The following SERINC5 variants were observed in gnomAD, a reference collection of about 807,000 sequenced individuals.
SERINC5 encodes serine incorporator 5.
In SERINC5, 41 loss-of-function variants were observed where a neutral mutation model predicts 63.1. The ratio of observed to expected loss-of-function variants is 0.65; its 90% CI spans 0.51 to 0.84. SERINC5 has a LOEUF of 0.84. Among genes scored for constraint, SERINC5 ranks in the 40% least tolerant of loss-of-function variants. The pLI, the probability that SERINC5 is intolerant of heterozygous loss-of-function variation, is 0.00. For synonymous variants in SERINC5, 222 were observed against 215.2 expected (o/e 1.03, Z -0.28); for missense variants, 523 against 573.0 (o/e 0.91, Z 0.89).
At chr5:80,153,606 CT>C (rs1314347237) in intron 8 of SERINC5, among the ~76,000 whole-genome samples, 1 of 152,058 alleles carries the variant, frequency 6.6e-6, no homozygotes, top group African/African-American at 2.4e-5. Context: ...TAAGCCTTAC[CT>C]CTTCCTGTGC....
At chr5:80,185,699 T>C (rs1748752258) in intron 2 of SERINC5, among the ~76,000 whole-genome samples, 1 of 152,062 alleles carries the variant, frequency 6.6e-6, no homozygotes, top group Non-Finnish European at 1.5e-5. Flanking sequence ...TGGGCAGGAA[T>C]GGGAGTCGCA....
intron 12 of SERINC5, among the ~76,000 whole-genome samples, chr5:80,113,198 A>C (rs1744190675): frequency 6.6e-6 from 1 of 152,218 alleles, no homozygotes; most frequent in Non-Finnish European, 1.5e-5. Context: ...AATATTCTTA[A>C]AGTTCCTGAT....
intron 11 of SERINC5, among the ~76,000 whole-genome samples, chr5:80,132,402 T>C (rs1744983909): frequency 6.6e-6 from 1 of 152,168 alleles, no homozygotes; most frequent in South Asian, 2.1e-4. Flanking sequence ...TGTTAGCTTA[T>C]TTCTGTTAAC....
intron 11 of SERINC5, among the ~76,000 whole-genome samples, chr5:80,115,726 G>A (rs1178013972): frequency 1.3e-5 from 2 of 152,000 alleles, no homozygotes; most frequent in African/African-American, 4.8e-5. Flanking sequence ...ACATCAATAT[G>A]TTGATGTTTG....
rs2112287195 is a variant in SERINC5 at position 80,141,707 on chromosome 5, C to T, written c.*1956G>A. On this transcript the variant is annotated 3_prime_UTR_variant, in exon 12 of 12. Transcript: ENST00000507668. ...CATTCCTGGCCCACGGAACTCCTGT[C>T]CCCTAACTGATTCCTCAGGTTAGAA... 3 of 985,610 alleles carry T rather than the reference C, an allele frequency of 3.0e-6. No homozygotes were observed. The South Asian group carries it at 1.4e-4, about 46-fold the overall frequency. 61.1% of individuals were successfully genotyped at this position (985,610 alleles called of 1,614,324 possible).
intron 1 of SERINC5, among the ~76,000 whole-genome samples, chr5:80,221,407 C>T (rs1174982102): frequency 6.6e-6 from 1 of 152,150 alleles, no homozygotes; most frequent in African/African-American, 2.4e-5. Flanking sequence ...CGTGCGATCA[C>T]ACACGACTTC....
At chr5:80,229,050 T>TGGGCGGGGGGG (rs1751304306) in intron 1 of SERINC5, among the ~76,000 whole-genome samples, 1 of 94,104 alleles carries the variant, frequency 1.1e-5, no homozygotes, top group Admixed American at 1.3e-4. Context: ...TTTTTTTTTT[T>TGGGCGGGGGGG]GGGGATGGAG....
Position 80,142,308 on chromosome 5 carries a change from A to T in SERINC5, c.*1355T>A. On this transcript the variant is annotated 3_prime_UTR_variant, in exon 12 of 12. Coordinates refer to ENST00000507668, the MANE Select transcript of SERINC5 (RefSeq NM_001174072.3). ...TTCCTGTGCAGCGTGATCTCGGCTCACTGCAACCTCCGCCTCCCGGGTTCA... is the reference window on the plus strand; with the variant it reads ...TTCCTGTGCAGCGTGATCTCGGCTCTCTGCAACCTCCGCCTCCCGGGTTCA... The T allele has an allele frequency of 1.0e-6, 1 of 983,104 alleles. No individual in the cohort carries two copies. The highest frequency in any genetic ancestry group is 1.2e-6 in the Non-Finnish European group (1 of 827,866). 60.9% of individuals were successfully genotyped at this position (983,104 alleles called of 1,614,324 possible).
At chr5:80,200,812 G>A (rs1486672844) in intron 2 of SERINC5, among the ~76,000 whole-genome samples, 1 of 141,832 alleles carries the variant, frequency 7.1e-6, no homozygotes, top group Non-Finnish European at 1.6e-5. Context: ...CCTAGTTTCA[G>A]GCCAGGCATG....
chr5:80,114,538 C>T (rs1251090937), intron 11 of SERINC5: 3 of 189,730 alleles, frequency 1.6e-5, no homozygotes, highest in South Asian at 6.4e-5. Flanking sequence ...CCTGTAACCC[C>T]AGCTACTTGG....
At chr5:80,150,052 C>T (rs561986354) in intron 9 of SERINC5, among the ~76,000 whole-genome samples, 10 of 152,226 alleles carry the variant, frequency 6.6e-5, no homozygotes, top group African/African-American at 1.9e-4. Context: ...CCTGACAAAA[C>T]GCCCACCTGA....
chr5:80,143,577 C>G lies in SERINC5; in HGVS notation c.*86G>C, dbSNP rs568283597. 3.5e-6 allele frequency: 5 copies of G among 1,449,262 alleles called. No homozygotes were observed. The East Asian group carries it at 1.3e-4, about 37-fold the overall frequency. 89.8% of individuals were successfully genotyped at this position (1,449,262 alleles called of 1,614,324 possible). A position where few individuals can be genotyped will look rare whatever the true frequency, so the allele number is the denominator to read the frequency against. On this transcript the variant is annotated 3_prime_UTR_variant, in exon 12 of 12. Coordinates refer to ENST00000507668, the MANE Select transcript of SERINC5 (RefSeq NM_001174072.3). Reference sequence around the variant, plus strand: ...TTTTCAGACCCACTCAGGCACAGGGCGCCAGTCCCTGCCCCGGGGACACTG... The same window carrying G: ...TTTTCAGACCCACTCAGGCACAGGGGGCCAGTCCCTGCCCCGGGGACACTG...
intron 2 of SERINC5, among the ~76,000 whole-genome samples, chr5:80,200,030 C>T (rs932713358): frequency 1.3e-5 from 2 of 152,202 alleles, no homozygotes; most frequent in Admixed American, 1.3e-4. Flanking sequence ...TGGTGGCTCA[C>T]GCCTGTAGTC....
At chr5:80,208,798 A>T (rs558648864) in intron 1 of SERINC5, among the ~76,000 whole-genome samples, 3 of 152,192 alleles carry the variant, frequency 2.0e-5, no homozygotes, top group Non-Finnish European at 4.4e-5. Flanking sequence ...CACTAGAAAC[A>T]GCCTTATTTT....
At chr5:80,172,854 T>C (rs2112396332) in intron 5 of SERINC5, among the ~76,000 whole-genome samples, 1 of 152,336 alleles carries the variant, frequency 6.6e-6, no homozygotes, top group Non-Finnish European at 1.5e-5. Context: ...TATTAGAATA[T>C]GAAGGACTTT....
At chr5:80,229,341 A>ATTTTTTTT (rs59664490) in intron 1 of SERINC5, among the ~76,000 whole-genome samples, 1 of 120,222 alleles carries the variant, frequency 8.3e-6, no homozygotes, top group Non-Finnish European at 1.7e-5. Flanking sequence ...TACTTACACA[A>ATTTTTTTT]TTTTTTTTTT....
chr5:80,204,743 A>G (rs1204180076), intron 1 of SERINC5, among the ~76,000 whole-genome samples: 1 of 152,206 alleles, frequency 6.6e-6, no homozygotes, highest in East Asian at 1.9e-4. Flanking sequence ...AAAAACAAAA[A>G]GTTGGGCCCA....
At chr5:80,228,506 A>C (rs2112557680) in intron 1 of SERINC5, among the ~76,000 whole-genome samples, 1 of 152,106 alleles carries the variant, frequency 6.6e-6, no homozygotes, top group South Asian at 2.1e-4. Flanking sequence ...CCCACACTGG[A>C]GCGCAGTGGT....
At chr5:80,150,290 C>G (rs1322416975) in intron 9 of SERINC5, among the ~76,000 whole-genome samples, 2 of 152,102 alleles carry the variant, frequency 1.3e-5, no homozygotes, top group African/African-American at 2.4e-5. Context: ...CAGGGTGCAG[C>G]CTGACAAGGT....
Sources: gnomAD v4.1 joint callset for allele counts (sites outside exome capture counted in the v4.1 genomes callset) on GRCh38, gnomAD v4.1.1 for gene constraint, MANE v1.5 for transcripts, NCBI Gene and HGNC (gene_info 2026-07-23, HGNC 2026-07-21) for gene names.